SLC25A21: variants seen among roughly 807,000 people sequenced by gnomAD.
SLC25A21 encodes the protein solute carrier family 25 member 21.
SLC25A21 carries 47 observed loss-of-function variants against 43.8 expected under a neutral mutation model. That is an observed-to-expected ratio of 1.07 (90% CI 0.85 to 1.37). The LOEUF is 1.37. Among genes scored for constraint, SLC25A21 ranks in the 40% most tolerant of loss-of-function variants. The pLI is 0.00. For missense variants in SLC25A21, 352 were observed against 350.2 expected (o/e 1.00, Z -0.04); for synonymous variants, 131 against 121.3 (o/e 1.08, Z -0.52).
intron 1 of SLC25A21, among the ~76,000 whole-genome samples, chr14:37,053,088 T>C (rs540834051): frequency 1.3e-5 from 2 of 152,134 alleles, no homozygotes; most frequent in African/African-American, 4.8e-5. Context: ...AAAAGTCCTT[T>C]GAGTGTATGA....
Position 36,985,374 on chromosome 14 carries a change from G to A in SLC25A21, c.71-110370C>T, listed in dbSNP as rs138916765. 2.6e-4 allele frequency among the ~76,000 whole-genome samples: 39 copies of A among 151,824 alleles called. 1 individual carries two copies. Among genetic ancestry groups the A allele is most frequent in the African/African-American group, 9.2e-4 (38 of 41,394 alleles). ...ACTTAAAGTATAATTTAAAAAAAATGTGAACCATGGTTAAAAATAATAATA... is the reference window on the plus strand; with the variant it reads ...ACTTAAAGTATAATTTAAAAAAAATATGAACCATGGTTAAAAATAATAATA... On this transcript the variant is annotated intron_variant, in intron 1 of 9. Transcript: ENST00000331299.
At chr14:36,710,976 T>C (rs1190889252) in intron 7 of SLC25A21, among the ~76,000 whole-genome samples, 1 of 152,182 alleles carries the variant, frequency 6.6e-6, no homozygotes, top group Non-Finnish European at 1.5e-5. Context: ...AGATAAAAAT[T>C]AAGTAATAAC....
intron 1 of SLC25A21, among the ~76,000 whole-genome samples, chr14:36,963,166 A>G (rs1959534386): frequency 6.6e-6 from 1 of 152,134 alleles, no homozygotes; most frequent in Admixed American, 6.6e-5. Flanking sequence ...CCCCCTTTCC[A>G]CAAAAGCTTA....
intron 1 of SLC25A21, among the ~76,000 whole-genome samples, chr14:36,984,011 A>G (rs1471728161): frequency 6.6e-6 from 1 of 152,210 alleles, no homozygotes; most frequent in Non-Finnish European, 1.5e-5. Context: ...AGTGAGGTTG[A>G]AAAATTACCT....
Position 36,678,305 on chromosome 14 carries a change from C to T in SLC25A21, c.*2353G>A. The T allele has an allele frequency of 1.8e-6, 1 of 557,978 alleles. No individual in the cohort carries two copies. Among genetic ancestry groups the T allele is most frequent in the South Asian group, 2.8e-5 (1 of 36,214 alleles). The allele number at this position is 557,978 out of a possible 1,614,324, so 34.6% of individuals were successfully genotyped here. On this transcript the variant is annotated 3_prime_UTR_variant, in exon 10 of 10. Transcript: ENST00000331299. ...TGTTAGAGTGACTGCTTTTTTCAGACAGCAGATATCTTATAGAGAGCTTTG... is the reference window on the plus strand; with the variant it reads ...TGTTAGAGTGACTGCTTTTTTCAGATAGCAGATATCTTATAGAGAGCTTTG...
chr14:36,886,268 AC>A (rs1890909395), intron 1 of SLC25A21, among the ~76,000 whole-genome samples: 1 of 152,174 alleles, frequency 6.6e-6, no homozygotes, highest in Non-Finnish European at 1.5e-5. Context: ...AAGGTGCACT[AC>A]CTTTGTGGCA....
chr14:36,766,561 T>G (rs1264890279), intron 3 of SLC25A21, among the ~76,000 whole-genome samples: 1 of 152,180 alleles, frequency 6.6e-6, no homozygotes, highest in Non-Finnish European at 1.5e-5. Flanking sequence ...TTTTTTCCAA[T>G]TTATCTCCTT....
At chr14:36,830,161 C>G (rs2138478580) in intron 2 of SLC25A21, among the ~76,000 whole-genome samples, 1 of 152,264 alleles carries the variant, frequency 6.6e-6, no homozygotes, top group Middle Eastern at 3.4e-3. Flanking sequence ...ATCTTTGTAC[C>G]AAACGAATTC....
chr14:36,863,203 C>T (rs1230418898), intron 2 of SLC25A21, among the ~76,000 whole-genome samples: 3 of 152,252 alleles, frequency 2.0e-5, no homozygotes, highest in Non-Finnish European at 4.4e-5. Context: ...AATGCATTGT[C>T]GCTCTTCCAT....
At chr14:37,134,686 G>C (rs1284760441) in intron 1 of SLC25A21, among the ~76,000 whole-genome samples, 2 of 150,280 alleles carry the variant, frequency 1.3e-5, no homozygotes, top group Non-Finnish European at 3.0e-5. Flanking sequence ...GAAAAGAAAA[G>C]AAAAGAAAAC....
chr14:36,763,056 C>CTT (rs1217453038), intron 3 of SLC25A21, among the ~76,000 whole-genome samples: 1 of 152,088 alleles, frequency 6.6e-6, no homozygotes, highest in African/African-American at 2.4e-5. Flanking sequence ...AAATGCCTGC[C>CTT]TTAAAGCACG....
chr14:37,018,290 T>C (rs1346861897), intron 1 of SLC25A21, among the ~76,000 whole-genome samples: 1 of 151,990 alleles, frequency 6.6e-6, no homozygotes, highest in African/African-American at 2.4e-5. Flanking sequence ...CTACTGATCT[T>C]TCCCTCAACA....
intron 1 of SLC25A21, among the ~76,000 whole-genome samples, chr14:37,145,476 C>CACACACAGAG (rs780734735): frequency 0.025 from 3,649 of 143,622 alleles, 52 homozygotes; most frequent in South Asian, 0.039. Flanking sequence ...CACACACACA[C>CACACACAGAG]AGAGAGATGA....
chr14:36,970,633 G>C (rs1173699899), intron 1 of SLC25A21, among the ~76,000 whole-genome samples: 1 of 152,142 alleles, frequency 6.6e-6, no homozygotes, highest in Non-Finnish European at 1.5e-5. Flanking sequence ...AGCCAGGTTA[G>C]GGTGAACAAA....
chr14:36,972,792 A>C (rs2138688425), intron 1 of SLC25A21, among the ~76,000 whole-genome samples: 1 of 152,206 alleles, frequency 6.6e-6, no homozygotes, highest in East Asian at 1.9e-4. Context: ...AGAATAAATT[A>C]GAGTTAGAAT....
At position 36,825,852 on chromosome 14, in the gene SLC25A21, G is replaced by A. The variant is rs181414797; in HGVS notation, c.120-11851C>T. ...GTTAAATCTCCTCCTTTAAATTTCC[G>A]CTGGGGTGAATTGTCATATCTAATG... On this transcript the variant is annotated intron_variant, in intron 2 of 9. Coordinates refer to ENST00000331299, the MANE Select transcript of SLC25A21 (RefSeq NM_030631.4). Among the ~76,000 whole-genome samples, 65 of 152,172 alleles carry A rather than the reference G, an allele frequency of 4.3e-4. 1 individual carries two copies. The highest frequency in any genetic ancestry group is 5.8e-4 in the East Asian group (3 of 5,170).
chr14:36,958,989 T>C (rs1259785635), intron 1 of SLC25A21, among the ~76,000 whole-genome samples: 1 of 152,156 alleles, frequency 6.6e-6, no homozygotes, highest in Non-Finnish European at 1.5e-5. Context: ...AGTTGTCCAG[T>C]AAATAAATGG....
intron 1 of SLC25A21, among the ~76,000 whole-genome samples, chr14:37,068,795 A>G (rs1962112576): frequency 6.6e-6 from 1 of 152,242 alleles, no homozygotes; most frequent in Admixed American, 6.5e-5. Flanking sequence ...TATGGCAGAA[A>G]AAGATCTATG....
intron 1 of SLC25A21, among the ~76,000 whole-genome samples, chr14:36,902,885 T>C (rs973130453): frequency 2.6e-5 from 4 of 152,030 alleles, no homozygotes; most frequent in African/African-American, 9.7e-5. Context: ...CTCAAGAGAC[T>C]GAGGCAGGAG....
Sources: gnomAD v4.1 joint callset for allele counts (sites outside exome capture counted in the v4.1 genomes callset) on GRCh38, gnomAD v4.1.1 for gene constraint, MANE v1.5 for transcripts, NCBI Gene and HGNC (gene_info 2026-07-23, HGNC 2026-07-21) for gene names.